OVCH1: variants seen among roughly 807,000 people sequenced by gnomAD.
OVCH1 encodes ovochymase-1.
OVCH1 carries 139 observed loss-of-function variants against 138.4 expected under a neutral mutation model. The observed-to-expected ratio is 1.00, with a 90% CI of 0.87 to 1.16. The LOEUF (loss-of-function observed/expected upper bound fraction) is 1.16. OVCH1 is among the 50% of genes most tolerant of loss of function. OVCH1 has a pLI of 0.00. For synonymous variants in OVCH1, 453 were observed against 467.8 expected (o/e 0.97, Z 0.41); for missense variants, 1,367 against 1,357.9 (o/e 1.01, Z -0.11).
intron 26 of OVCH1, chr12:29,433,877 CAAA>C: frequency 8.9e-7 from 1 of 1,129,566 alleles, no homozygotes; most frequent in Non-Finnish European, 1.1e-6. Context: ...TTAACATGTC[CAAA>C]AAAAAAAGAA....
intron 25 of OVCH1, chr12:29,439,567 T>C: frequency 8.6e-7 from 1 of 1,165,550 alleles, no homozygotes; most frequent in Non-Finnish European, 1.1e-6. Flanking sequence ...TCTCGGTACT[T>C]TACCTCTCAC....
intron 16 of OVCH1, among the ~76,000 whole-genome samples, chr12:29,469,730 C>T (rs1942438113): frequency 6.7e-6 from 1 of 149,152 alleles, no homozygotes; most frequent in Admixed American, 6.8e-5. Context: ...AAAAAAAAGT[C>T]GGGCATGGTG....
intron 27 of OVCH1, chr12:29,433,655 C>A (rs1746929609): frequency 4.0e-6 from 5 of 1,252,410 alleles, no homozygotes; most frequent in Admixed American, 3.2e-5. Context: ...TAGTGCCTGG[C>A]ATATTCCTAC....
intron 15 of OVCH1, among the ~76,000 whole-genome samples, chr12:29,472,515 T>C (rs1164850282): frequency 6.6e-6 from 1 of 152,174 alleles, no homozygotes; most frequent in East Asian, 1.9e-4. Context: ...CACTAATCTC[T>C]AGGAAGCCTT....
At chr12:29,441,253 C>T (rs1023994440) in intron 25 of OVCH1, among the ~76,000 whole-genome samples, 5 of 152,168 alleles carry the variant, frequency 3.3e-5, no homozygotes, top group East Asian at 1.9e-4. Context: ...AACAGCATGG[C>T]ACTGGTACCA....
intron 3 of OVCH1, among the ~76,000 whole-genome samples, chr12:29,416,668 G>A (rs892528181): frequency 6.6e-6 from 1 of 152,128 alleles, no homozygotes; most frequent in Admixed American, 6.5e-5. Context: ...ATGCTAGTGA[G>A]GATGCAGAAA....
intron 3 of OVCH1, among the ~76,000 whole-genome samples, chr12:29,417,782 TGTG>T (rs1941051520): frequency 6.8e-6 from 1 of 147,060 alleles, no homozygotes; most frequent in Non-Finnish European, 1.5e-5. Flanking sequence ...TGTGTGTGTG[TGTG>T]TGTGTGTGTC....
At chr12:29,472,035 ACTCCTCCAATAG>A in intron 15 of OVCH1, 53 bp from the exon 16 acceptor site, 2 of 1,500,632 alleles carry the variant, frequency 1.3e-6, no homozygotes, top group Non-Finnish European at 1.8e-6. Context: ...TTTAGAACAT[ACTCCTCCAATAG>A]CTTGCCATAG....
intron 26 of OVCH1, among the ~76,000 whole-genome samples, chr12:29,438,937 GT>G (rs1035673263): frequency 6.6e-5 from 10 of 152,276 alleles, no homozygotes; most frequent in Non-Finnish European, 1.5e-4. Flanking sequence ...CCCTGAGGTG[GT>G]TGAGAGTATA....
chr12:29,443,128 C>A (rs1290189575), intron 25 of OVCH1, among the ~76,000 whole-genome samples: 1 of 152,006 alleles, frequency 6.6e-6, no homozygotes, highest in African/African-American at 2.4e-5. Flanking sequence ...CAATTTTAAT[C>A]TAGGTATGAT....
chr12:29,456,195 G>T (rs752071414), intron 19 of OVCH1, among the ~76,000 whole-genome samples: 9 of 152,112 alleles, frequency 5.9e-5, no homozygotes, highest in Non-Finnish European at 5.9e-5. Context: ...CACACACATA[G>T]GTAGTAGCAG....
intron 27 of OVCH1, among the ~76,000 whole-genome samples, chr12:29,432,734 C>T (rs1315889064): frequency 6.6e-6 from 1 of 152,064 alleles, no homozygotes; most frequent in African/African-American, 2.4e-5. Context: ...GGAAGAGAGT[C>T]AAAGACTGGG....
downstream of OVCH1, among the ~76,000 whole-genome samples, chr12:29,407,774 T>G (rs1248377026): frequency 4.6e-5 from 7 of 151,710 alleles, no homozygotes; most frequent in Non-Finnish European, 1.0e-4. Flanking sequence ...GGTTTAGGAT[T>G]GACTTGGCTA....
chr12:29,497,561 T>A, intron 1 of OVCH1, 62 bp downstream of exon 1: 1 of 1,589,408 alleles, frequency 6.3e-7, no homozygotes, highest in Non-Finnish European at 8.6e-7. Flanking sequence ...AGTAATGAAG[T>A]CTTCCCTCTC....
chr12:29,483,152 C>A (rs1305691792), intron 8 of OVCH1, among the ~76,000 whole-genome samples: 1 of 152,170 alleles, frequency 6.6e-6, no homozygotes, highest in African/African-American at 2.4e-5. Flanking sequence ...CCATACCTCT[C>A]AAAACATTGT....
At chr12:29,411,845 A>G (rs1940962768), downstream of OVCH1, among the ~76,000 whole-genome samples, 1 of 52,414 alleles carries the variant, frequency 1.9e-5, no homozygotes, top group African/African-American at 4.1e-5. Flanking sequence ...GCTGCCAGAC[A>G]GGGACATTTC....
chr12:29,419,495 C>T (rs539552070), intron 3 of OVCH1, among the ~76,000 whole-genome samples: 18 of 151,470 alleles, frequency 1.2e-4, no homozygotes, highest in Non-Finnish European at 2.1e-4. Context: ...AGGGTTTCAC[C>T]GTGTTAGCCA....
intron 8 of OVCH1, among the ~76,000 whole-genome samples, chr12:29,480,607 T>C (rs895366624): frequency 6.6e-6 from 1 of 152,156 alleles, no homozygotes; most frequent in Non-Finnish European, 1.5e-5. Context: ...CTATGGAGCA[T>C]TTATTATGTG....
intron 19 of OVCH1, among the ~76,000 whole-genome samples, chr12:29,459,062 A>G (rs552262324): frequency 6.6e-6 from 1 of 152,198 alleles, no homozygotes; most frequent in Non-Finnish European, 1.5e-5. Context: ...TACAACCACT[A>G]TACAGAATAG....
Sources: allele counts gnomAD v4.1 joint callset (sites outside exome capture counted in the v4.1 genomes callset), GRCh38; gene constraint gnomAD v4.1.1; transcripts MANE v1.5; gene names NCBI Gene and HGNC (gene_info 2026-07-23, HGNC 2026-07-21).